The following WDR72 variants were observed in gnomAD, a reference collection of about 807,000 sequenced individuals.
WDR72 encodes the protein WD repeat domain 72, also known as WD repeat-containing protein 72.
Under a neutral mutation model 124.2 loss-of-function variants are expected in WDR72, and 120 were observed. That is an observed-to-expected ratio of 0.97 (90% CI 0.83 to 1.12). The LOEUF is 1.12. Among genes scored for constraint, WDR72 ranks in the 50% most tolerant of loss-of-function variants. The probability of loss-of-function intolerance (pLI) is 0.00; values close to 1 mark genes in which losing one functional copy is unlikely to be tolerated. For synonymous variants in WDR72, 452 were observed against 441.7 expected (o/e 1.02, Z -0.29); for missense variants, 1,387 against 1,278.8 (o/e 1.08, Z -1.29).
chr15:53,572,273 TAACA>T lies in WDR72; in HGVS notation c.3148+24802_3148+24805del, dbSNP rs546027530. Among the ~76,000 whole-genome samples the T allele has an allele frequency of 6.6e-5, 10 of 152,262 alleles. No individual in the cohort carries two copies. The South Asian group carries it at 1.9e-3, about 28-fold the overall frequency. On this transcript the variant is annotated intron_variant, in intron 18 of 19. Coordinates refer to ENST00000360509, the MANE Select transcript of WDR72 (RefSeq NM_182758.4). ...TTTGACTGTGCTTTTGGGGTTGTAT[TAACA>T]AACAAACAAAACACTGTCCAGACCA...
chr15:53,520,804 C>T (rs1595723909), intron 19 of WDR72, among the ~76,000 whole-genome samples: 2 of 152,150 alleles, frequency 1.3e-5, no homozygotes, highest in Middle Eastern at 6.8e-3. Flanking sequence ...CAAGAACATC[C>T]CTCTCTGCCA....
chr15:53,584,190 A>C (rs990560569), intron 18 of WDR72, among the ~76,000 whole-genome samples: 83 of 152,050 alleles, frequency 5.5e-4, no homozygotes, highest in African/African-American at 1.9e-3. Flanking sequence ...AATCGGACCA[A>C]ATATTAACTT....
Position 53,515,987 on chromosome 15 carries a change from T to G in WDR72, c.*1712A>C, listed in dbSNP as rs1891441153. ...TTCAAAATGCTTTTGGGAGTCCTTA[T>G]AATGTCCTTGACAACTGGTATACAA... is the stretch of plus-strand genomic sequence containing the variant. On this transcript the variant is annotated 3_prime_UTR_variant, in exon 20 of 20. Transcript: ENST00000360509. The G allele has an allele frequency of 6.6e-6, 1 of 152,142 alleles. No individual in the cohort carries two copies. Among genetic ancestry groups the G allele is most frequent in the Non-Finnish European group, 1.5e-5 (1 of 67,998 alleles). 9.4% of individuals were successfully genotyped at this position (152,142 alleles called of 1,614,324 possible).
intron 14 of WDR72, among the ~76,000 whole-genome samples, chr15:53,626,424 C>T (rs1278738696): frequency 1.3e-5 from 2 of 152,156 alleles, no homozygotes; most frequent in African/African-American, 4.8e-5. Context: ...GACACCCTGC[C>T]GGATCCAAGG....
At chr15:53,634,808 A>C (rs2014564477) in intron 14 of WDR72, among the ~76,000 whole-genome samples, 1 of 152,196 alleles carries the variant, frequency 6.6e-6, no homozygotes, top group African/African-American at 2.4e-5. Flanking sequence ...CACTTTCACA[A>C]CCAAGGTGGT....
chr15:53,538,695 GT>G (rs527796538), intron 18 of WDR72, among the ~76,000 whole-genome samples: 1 of 152,082 alleles, frequency 6.6e-6, no homozygotes, highest in Non-Finnish European at 1.5e-5. Flanking sequence ...ATTATAAAAA[GT>G]TTTTTGCTGT....
chr15:53,558,206 TC>T (rs1289400402), intron 18 of WDR72, among the ~76,000 whole-genome samples: 1 of 152,086 alleles, frequency 6.6e-6, no homozygotes, highest in African/African-American at 2.4e-5. Flanking sequence ...TAACATTTTA[TC>T]CAGTTTTAAT....
chr15:53,645,607 C>T (rs1384056605), intron 14 of WDR72, among the ~76,000 whole-genome samples: 1 of 151,942 alleles, frequency 6.6e-6, no homozygotes, highest in Non-Finnish European at 1.5e-5. Context: ...GAAAGATATG[C>T]TAAACACAGA....
intron 18 of WDR72, 71 bp from the exon 19 acceptor site, chr15:53,523,393 A>AAAAC: frequency 7.0e-7 from 1 of 1,430,274 alleles, no homozygotes; most frequent in South Asian, 1.1e-5. Context: ...AAACACCATT[A>AAAAC]AAACATTTCC....
chr15:53,545,540 G>C (rs1261364706), intron 18 of WDR72, among the ~76,000 whole-genome samples: 3 of 151,856 alleles, frequency 2.0e-5, no homozygotes, highest in Non-Finnish European at 4.4e-5. Flanking sequence ...TTAAACGTTA[G>C]ACCTAAAACC....
At chr15:53,742,861 A>G (rs1595885527) in intron 1 of WDR72, among the ~76,000 whole-genome samples, 1 of 152,208 alleles carries the variant, frequency 6.6e-6, no homozygotes, top group East Asian at 1.9e-4. Context: ...TTGATATTGC[A>G]TTTTGTAACA....
intron 18 of WDR72, among the ~76,000 whole-genome samples, chr15:53,549,465 G>A (rs556414233): frequency 1.3e-5 from 2 of 152,248 alleles, no homozygotes; most frequent in South Asian, 2.1e-4. Flanking sequence ...CGACCCTGCC[G>A]AATAGATGCG....
At position 53,569,933 on chromosome 15, in the gene WDR72, T is replaced by C. The variant is rs575505829; in HGVS notation, c.3148+27146A>G. ...CCTTTGTGGTCTTCAGTGAAATGTA[T>C]GTAACGGTGATTCACACTTAACAAC... On this transcript the variant is annotated intron_variant, in intron 18 of 19. Coordinates refer to ENST00000360509, the MANE Select transcript of WDR72 (RefSeq NM_182758.4). Among the ~76,000 whole-genome samples, 143 of 152,208 alleles carry C rather than the reference T, an allele frequency of 9.4e-4. 1 individual carries two copies. The highest frequency in any genetic ancestry group is 1.9e-3 in the South Asian group (9 of 4,830).
At chr15:53,605,577 G>A (rs112040751) in intron 17 of WDR72, among the ~76,000 whole-genome samples, 38 of 152,326 alleles carry the variant, frequency 2.5e-4, no homozygotes, top group African/African-American at 8.4e-4. Flanking sequence ...GAGGATAGCC[G>A]GGCATGGTGG....
intron 13 of WDR72, among the ~76,000 whole-genome samples, chr15:53,687,741 C>T (rs1336402930): frequency 1.6e-4 from 24 of 146,876 alleles, no homozygotes; most frequent in African/African-American, 4.0e-4. Flanking sequence ...ATACCAAAGC[C>T]GGACAGAGAC....
At chr15:53,592,909 T>C (rs530613314) in intron 18 of WDR72, among the ~76,000 whole-genome samples, 4 of 152,262 alleles carry the variant, frequency 2.6e-5, no homozygotes, top group South Asian at 4.1e-4. Flanking sequence ...TCAAGGAAGA[T>C]AGCAAAGTAA....
chr15:53,709,200 G>T (rs1332169981), intron 9 of WDR72, among the ~76,000 whole-genome samples: 1 of 152,180 alleles, frequency 6.6e-6, no homozygotes. Flanking sequence ...GAACACTAGT[G>T]ATGTTTGAAT....
At chr15:53,750,464 G>A (rs747617802) in intron 1 of WDR72, among the ~76,000 whole-genome samples, 5 of 152,142 alleles carry the variant, frequency 3.3e-5, no homozygotes, top group African/African-American at 4.8e-5. Flanking sequence ...GCTCTGAGAT[G>A]CACAAGAGAT....
At position 53,536,010 on chromosome 15, in the gene WDR72, C is replaced by T. The variant is rs975423765; in HGVS notation, c.3149-12688G>A. 7.2e-5 allele frequency among the ~76,000 whole-genome samples: 11 copies of T among 152,262 alleles called. No homozygotes were observed. The East Asian group carries it at 7.8e-4, about 11-fold the overall frequency. The stretch of plus-strand genomic sequence containing the variant: ...CCTGCATGCGTGTTTAAAGCAACAG[C>T]GCTTGATGAATCTGAGTCCAGAAAA... On this transcript the variant is annotated intron_variant, in intron 18 of 19. Transcript: ENST00000360509.
Sources: allele counts gnomAD v4.1 joint callset (sites outside exome capture counted in the v4.1 genomes callset), GRCh38; gene constraint gnomAD v4.1.1; transcripts MANE v1.5; gene names NCBI Gene and HGNC (gene_info 2026-07-23, HGNC 2026-07-21).